The following CLSTN3 variants were observed in gnomAD, a reference collection of about 807,000 sequenced individuals.
The protein encoded by CLSTN3 is calsyntenin-3.
CLSTN3 carries 36 observed loss-of-function variants against 95.9 expected under a neutral mutation model. That is an observed-to-expected ratio of 0.38 (90% confidence interval 0.29 to 0.50). The LOEUF is 0.50. Among genes scored for constraint, CLSTN3 ranks in the 20% least tolerant of loss-of-function variants. The pLI, the probability that CLSTN3 is intolerant of heterozygous loss-of-function variation, is 0.95. For missense variants in CLSTN3, 1,084 were observed against 1,268.8 expected (o/e 0.85, Z 2.21); for synonymous variants, 481 against 504.0 (o/e 0.95, Z 0.61).
At chr12:7,146,269 G>A (rs927785420) in intron 12 of CLSTN3, among the ~76,000 whole-genome samples, 6 of 152,144 alleles carry the variant, frequency 3.9e-5, no homozygotes, top group African/African-American at 7.2e-5. Context: ...CCAACAGACC[G>A]CAAGTCTGTA....
Position 7,130,477 on chromosome 12 carries a change from C to T in CLSTN3, c.-172C>T, listed in dbSNP as rs1939275132. On this transcript the variant is annotated 5_prime_UTR_variant, in exon 1 of 18. Coordinates refer to ENST00000266546, the MANE Select transcript of CLSTN3 (RefSeq NM_014718.4). ...CCGCCTCAGCTACCCAGATTGGGAT[C>T]TGCCCAGGCCCGCTTTATGGACTAG... is the stretch of plus-strand genomic sequence containing the variant. 3 of 1,499,766 alleles carry T rather than the reference C, an allele frequency of 2.0e-6. No individual in the cohort carries two copies. Among genetic ancestry groups the T allele is most frequent in the Non-Finnish European group, 2.7e-6 (3 of 1,125,778 alleles). The allele number at this position is 1,499,766 out of a possible 1,614,324, so 92.9% of individuals were successfully genotyped here.
rs1463393786 is a variant in CLSTN3, at chr12:7,157,630, C to T, written c.2669C>T (p.Pro890Leu). The T allele has an allele frequency of 1.9e-6, 3 of 1,609,890 alleles. No homozygotes were observed. The East Asian group carries it at 6.7e-5, about 36-fold the overall frequency. The change falls in exon 17 of 18, where the codon CCC becomes CTC. Residue 890 changes from proline to leucine, a missense_variant. By Grantham distance (98) the Pro-to-Leu change is moderately conservative. Transcript: ENST00000266546. This position sits in a 1 kb window ranked among gnomAD's most constrained non-coding sequence, Gnocchi z 5.9. ...AGGPPGASSDPKDPDLFWDDS... is the reference protein window; with the variant it reads ...AGGPPGASSDLKDPDLFWDDS... ...GGGCCTCCAGGGGCCTCCAGTGACC[C>T]CAAGGACCCAGACCTCTTCTGGGAT...
At position 7,135,535 on chromosome 12, in the gene CLSTN3, G is replaced by A; in HGVS notation, c.592G>A (p.Gly198Arg). 1 of 1,613,926 alleles carries A rather than the reference G, an allele frequency of 6.2e-7. No homozygotes were observed. The highest frequency in any genetic ancestry group is 8.5e-7 in the Non-Finnish European group (1 of 1,179,874). The change falls in exon 4 of 18, where the codon GGG (glycine) becomes AGG (arginine). Residue 198 changes from glycine to arginine, a missense_variant and splice_region_variant. Gly to Arg is a moderately radical substitution (Grantham distance 125). Coordinates refer to ENST00000266546, the MANE Select transcript of CLSTN3 (RefSeq NM_014718.4). ...CACCCCTTTCCTCATTGACAATGAC[G>A]GTGAGTCCACCCCTGGCTTCCCTGG... ...PNTPFLIDND[G>R]NIENTEKLQY...
At position 7,137,145 on chromosome 12, in the gene CLSTN3, A is replaced by G; in HGVS notation, c.1210+35A>G. Reference sequence around the variant, plus strand: ...CCCTCCAGGCACTAGCCAGAGGGGGAAACTGGCTTCTTGTCCCGCCTCTGT... The same window carrying G: ...CCCTCCAGGCACTAGCCAGAGGGGGGAACTGGCTTCTTGTCCCGCCTCTGT... On this transcript the variant is annotated intron_variant, in intron 7 of 17. Transcript: ENST00000266546. This position sits in a 1 kb window ranked among gnomAD's most constrained non-coding sequence, Gnocchi z 4.4. 6.4e-7 allele frequency: 1 copy of G among 1,563,164 alleles called. No homozygotes were observed.
At chr12:7,129,900 G>A, upstream of CLSTN3, 1 of 759,232 alleles carries the variant, frequency 1.3e-6, no homozygotes. The surrounding 1 kb of genome is among the most constrained non-coding windows in gnomAD (Gnocchi z 5.5). Flanking sequence ...CCTGCGGACC[G>A]CCCTGTGGCT....
At chr12:7,148,566 A>G (rs950768706) in intron 12 of CLSTN3, among the ~76,000 whole-genome samples, 1 of 152,272 alleles carries the variant, frequency 6.6e-6, no homozygotes, top group African/African-American at 2.4e-5. Context: ...TGTGCCGGAT[A>G]GTATACTGAG....
At position 7,149,537 on chromosome 12, in the gene CLSTN3, A is replaced by T; in HGVS notation, c.2089A>T (p.Met697Leu). 6.2e-7 allele frequency: 1 copy of T among 1,613,334 alleles called. No homozygotes were observed. Among genetic ancestry groups the T allele is most frequent in the Non-Finnish European group, 8.5e-7 (1 of 1,179,550 alleles). ...SWQGTVTDTRMSDEIVHNLDG... is the reference protein window; with the variant it reads ...SWQGTVTDTRLSDEIVHNLDG... Reference sequence around the variant, plus strand: ...CCCCAACCCAGTGACAGACACACGCATGTCGGATGAGATTGTGCACAACCT... The same window carrying T: ...CCCCAACCCAGTGACAGACACACGCTTGTCGGATGAGATTGTGCACAACCT... Residue 697 changes from methionine (M) to leucine (L), a missense_variant, in exon 14 of 18, where the codon ATG becomes TTG. Coordinates refer to ENST00000266546, the MANE Select transcript of CLSTN3 (RefSeq NM_014718.4). This position sits in a 1 kb window ranked among gnomAD's most constrained non-coding sequence, Gnocchi z 4.5.
intron 12 of CLSTN3, among the ~76,000 whole-genome samples, chr12:7,144,690 C>T (rs1358390757): frequency 1.3e-5 from 2 of 152,156 alleles, no homozygotes; most frequent in Non-Finnish European, 2.9e-5. Flanking sequence ...CCCGATTCTG[C>T]CTCAGTTTCT....
Position 7,157,749 on chromosome 12 carries a change from G to T in CLSTN3, c.2730+58G>T. On this transcript the variant is annotated intron_variant, in intron 17 of 17. Transcript: ENST00000266546. The surrounding 1 kb of genome is among the most constrained non-coding windows in gnomAD (Gnocchi z 5.9). Reference sequence around the variant, plus strand: ...GTCAAGACTGTGGAGCACACACGGTGAGGACTCCTGAGGAGGGGCAGGCCT... The same window carrying T: ...GTCAAGACTGTGGAGCACACACGGTTAGGACTCCTGAGGAGGGGCAGGCCT... 1 of 1,523,342 alleles carries T rather than the reference G, an allele frequency of 6.6e-7. No individual in the cohort carries two copies. The allele number at this position is 1,523,342 out of a possible 1,614,324, so 94.4% of individuals were successfully genotyped here.
intron 16 of CLSTN3, 35 bp downstream of exon 16, chr12:7,151,098 C>A (rs760427716): frequency 3.3e-6 from 5 of 1,515,712 alleles, no homozygotes; most frequent in Non-Finnish European, 4.4e-6. Flanking sequence ...CAGGGAGGGG[C>A]AGGTGGCAGG....
intron 16 of CLSTN3, among the ~76,000 whole-genome samples, chr12:7,154,455 TG>T (rs1332332108): frequency 1.2e-4 from 18 of 152,246 alleles, no homozygotes; most frequent in African/African-American, 4.3e-4. Context: ...GATTTTTGGA[TG>T]GGTGTGAGAG....
rs1939676823 is a variant in CLSTN3, at chr12:7,149,103, G to C, written c.1979G>C (p.Gly660Ala). ...GCCCGCCCAGCTGTGGACTTTGAGGGAACCAACGGCGTCCCTTTGTTCCCT... is the reference window on the plus strand; with the variant it reads ...GCCCGCCCAGCTGTGGACTTTGAGGCAACCAACGGCGTCCCTTTGTTCCCT... ...HFARPAVDFE[G>A]TNGVPLFPDL... The change falls in exon 13 of 18, where the codon GGA becomes GCA. Residue 660 changes from glycine to alanine, a missense_variant. Coordinates refer to ENST00000266546, the MANE Select transcript of CLSTN3 (RefSeq NM_014718.4). The surrounding 1 kb of genome is among the most constrained non-coding windows in gnomAD (Gnocchi z 4.5). 1 of 1,614,084 alleles carries C rather than the reference G, an allele frequency of 6.2e-7. No homozygotes were observed. Among genetic ancestry groups the C allele is most frequent in the Non-Finnish European group, 8.5e-7 (1 of 1,180,042 alleles).
chr12:7,135,888 A>G lies in CLSTN3; in HGVS notation c.677A>G (p.Lys226Arg). ...GTGACAGCTTATGACTGTGGGAAGA[A>G]GCGGGCAGCAGATGATGCTGAGGTG... ...FTVTAYDCGK[K>R]RAADDAEVEI... Residue 226 changes from lysine (K) to arginine (R), a missense_variant, in exon 5 of 18, where the codon AAG becomes AGG. Coordinates refer to ENST00000266546, the MANE Select transcript of CLSTN3 (RefSeq NM_014718.4). 6.2e-7 allele frequency: 1 copy of G among 1,614,112 alleles called. No individual in the cohort carries two copies. The highest frequency in any genetic ancestry group is 8.5e-7 in the Non-Finnish European group (1 of 1,179,962).
intron 8 of CLSTN3, among the ~76,000 whole-genome samples, chr12:7,138,280 A>G (rs764954014): frequency 6.6e-6 from 1 of 152,310 alleles, no homozygotes; most frequent in South Asian, 2.1e-4. Context: ...ATTTAAAAAA[A>G]AAAGGGAACA....
chr12:7,130,228 A>C, upstream of CLSTN3: 4 of 258,994 alleles, frequency 1.5e-5, no homozygotes, highest in Non-Finnish European at 2.6e-5. Flanking sequence ...AATTGCAGCC[A>C]GGGGAAGGAG....
intron 8 of CLSTN3, among the ~76,000 whole-genome samples, chr12:7,139,924 G>C (rs183827188): frequency 1.8e-4 from 27 of 152,198 alleles, no homozygotes; most frequent in Non-Finnish European, 3.5e-4. Context: ...GATTACAGGC[G>C]TGAGCCACTG....
chr12:7,135,693 A>G (rs1939399113), intron 4 of CLSTN3, 111 bp from the exon 5 acceptor site: 1 of 1,425,638 alleles, frequency 7.0e-7, no homozygotes. Flanking sequence ...CTTTTTTCCC[A>G]GCGTCCTGCT....
intron 3 of CLSTN3, 53 bp from the exon 4 acceptor site, chr12:7,135,274 A>G: frequency 2.6e-6 from 4 of 1,553,348 alleles, no homozygotes; most frequent in South Asian, 1.1e-5. Context: ...TCAATGTATA[A>G]TGTCGAGGCT....
At position 7,130,460 on chromosome 12, in the gene CLSTN3, G is replaced by A; in HGVS notation, c.-189G>A. 6.8e-7 allele frequency: 1 copy of A among 1,480,886 alleles called. No homozygotes were observed. The highest frequency in any genetic ancestry group is 1.3e-5 in the South Asian group (1 of 75,978). The allele number at this position is 1,480,886 out of a possible 1,614,324, so 91.7% of individuals were successfully genotyped here. A position where few individuals can be genotyped will look rare whatever the true frequency, so the allele number is the denominator to read the frequency against. On this transcript the variant is annotated 5_prime_UTR_variant, in exon 1 of 18. Coordinates refer to ENST00000266546, the MANE Select transcript of CLSTN3 (RefSeq NM_014718.4). ...AAGCCGCTGCAAGTCCACCGCCTCAGCTACCCAGATTGGGATCTGCCCAGG... is the reference window on the plus strand; with the variant it reads ...AAGCCGCTGCAAGTCCACCGCCTCAACTACCCAGATTGGGATCTGCCCAGG...
Sources: gnomAD v4.1 joint callset for allele counts (sites outside exome capture counted in the v4.1 genomes callset) on GRCh38, gnomAD v4.1.1 for gene constraint, Gnocchi (gnomAD v3.1) non-coding constraint, MANE v1.5 for transcripts, NCBI Gene and HGNC (gene_info 2026-07-23, HGNC 2026-07-21) for gene names.